CTPS2: variants seen among roughly 807,000 people sequenced by gnomAD.
CTPS2 encodes the protein CTP synthase 2, also known as CTP synthase II.
CTPS2 carries 19 observed loss-of-function variants against 46.8 expected under a neutral mutation model. The observed-to-expected ratio is 0.41, with a 90% CI of 0.28 to 0.60. CTPS2 has a LOEUF of 0.60. Ranked by LOEUF, CTPS2 falls within the 20% of genes least tolerant of loss-of-function variation. CTPS2 has a pLI of 0.35. For missense variants in CTPS2, 286 were observed against 447.6 expected, an observed-to-expected ratio of 0.64 and a Z score of 3.26; for synonymous variants, 151 against 165.2, an observed-to-expected ratio of 0.91 and a Z score of 0.66.
chrX:16,663,566 G>A (rs1230052875), intron 13 of CTPS2, among the ~76,000 whole-genome samples: 2 of 111,801 alleles, frequency 1.8e-5, no homozygotes, highest in African/African-American at 3.3e-5. Context: ...CTGAGCTCCT[G>A]TAGTTTCAGC....
At chrX:16,638,677 G>C (rs1314603362) in intron 14 of CTPS2, 4 of 210,906 alleles carry the variant, frequency 1.9e-5, no homozygotes, top group South Asian at 1.4e-4. Flanking sequence ...CCAGGGAACA[G>C]AGAAATACGC....
At chrX:16,690,717 G>A (rs1440215026) in intron 7 of CTPS2, among the ~76,000 whole-genome samples, 1 of 111,653 alleles carries the variant, frequency 9.0e-6, no homozygotes, top group Non-Finnish European at 1.9e-5. Flanking sequence ...ACAGAGATGA[G>A]AGAAGGAAAG....
chrX:16,696,400 A>G (rs1164506958), intron 4 of CTPS2, among the ~76,000 whole-genome samples: 2 of 112,150 alleles, frequency 1.8e-5, no homozygotes, highest in East Asian at 2.8e-4. Context: ...CATGAAATTT[A>G]AAATCCAGCC....
chrX:16,618,772 C>T (rs768149328), intron 15 of CTPS2, among the ~76,000 whole-genome samples: 20 of 112,166 alleles, frequency 1.8e-4, no homozygotes, highest in Non-Finnish European at 3.2e-4. Flanking sequence ...CTATTCATAT[C>T]ATTTGCAATT....
chrX:16,658,720 T>C (rs909914913), intron 13 of CTPS2, among the ~76,000 whole-genome samples: 4 of 112,494 alleles, frequency 3.6e-5, no homozygotes, highest in African/African-American at 1.3e-4. Context: ...TTTTAACAAC[T>C]GTTTTGTTCA....
At chrX:16,592,789 G>C (rs1602104143) in intron 17 of CTPS2, among the ~76,000 whole-genome samples, 1 of 112,058 alleles carries the variant, frequency 8.9e-6, no homozygotes, top group Admixed American at 9.5e-5. Context: ...AAGAGTTGGA[G>C]AAATAATTTT....
At chrX:16,648,834 T>C (rs1267232654) in intron 13 of CTPS2, among the ~76,000 whole-genome samples, 1 of 112,194 alleles carries the variant, frequency 8.9e-6, no homozygotes, top group Non-Finnish European at 1.9e-5. Context: ...CCATTTGTTC[T>C]CCAATGTAAA....
chrX:16,649,702 G>A (rs1003242729), intron 13 of CTPS2, among the ~76,000 whole-genome samples: 5 of 111,751 alleles, frequency 4.5e-5, no homozygotes, highest in Non-Finnish European at 9.4e-5. Context: ...TGTTGACCAG[G>A]CTGGTATCAA....
At chrX:16,594,911 A>G (rs1215881085) in intron 17 of CTPS2, among the ~76,000 whole-genome samples, 1 of 112,928 alleles carries the variant, frequency 8.9e-6, no homozygotes, top group Admixed American at 9.4e-5. Context: ...TCATCTGCCA[A>G]TAAAAAACAA....
Position 16,589,495 on chromosome X carries a change from G to A in CTPS2, c.*322C>T, listed in dbSNP as rs1206962378. ...GGCACAGTGACCTGGACTCTTGCTC[G>A]TCATCCTAACATCCTGATCCGCTGG... On this transcript the variant is annotated 3_prime_UTR_variant, in exon 19 of 19. Coordinates refer to ENST00000359276, the MANE Select transcript of CTPS2 (RefSeq NM_175859.3). 8.9e-6 allele frequency: 1 copy of A among 112,078 alleles called. No individual in the cohort carries two copies. Among genetic ancestry groups the A allele is most frequent in the East Asian group, 2.8e-4 (1 of 3,593 alleles). The allele number at this position is 112,078 out of a possible 1,213,427, so 9.2% of individuals were successfully genotyped here.
intron 13 of CTPS2, among the ~76,000 whole-genome samples, chrX:16,653,483 G>A (rs186889296): frequency 8.8e-4 from 99 of 111,998 alleles, no homozygotes; most frequent in South Asian, 2.2e-3. Context: ...GGTGGCACAC[G>A]CCTTTAGTCC....
chrX:16,649,345 C>T (rs73207113), intron 13 of CTPS2, among the ~76,000 whole-genome samples: 9,425 of 112,082 alleles, frequency 0.084, 387 homozygotes, highest in South Asian at 0.13. Flanking sequence ...ATCTTCTTTC[C>T]ACTTCTTAAA....
At chrX:16,623,173 T>C (rs1930930175) in intron 14 of CTPS2, among the ~76,000 whole-genome samples, 1 of 111,627 alleles carries the variant, frequency 9.0e-6, no homozygotes, top group East Asian at 2.8e-4. Context: ...GTACATGAGA[T>C]GTTTTGATAC....
intron 2 of CTPS2, among the ~76,000 whole-genome samples, chrX:16,702,536 T>C (rs1475446813): frequency 2.7e-5 from 3 of 112,040 alleles, no homozygotes; most frequent in Non-Finnish European, 5.6e-5. Flanking sequence ...AAAGATACAA[T>C]GTTTCCAAAA....
Position 16,684,509 on chromosome X carries a change from C to CAA in CTPS2, c.873-1285_873-1284dup, listed in dbSNP as rs1334791360. Among the ~76,000 whole-genome samples the CAA allele has an allele frequency of 1.4e-3, 98 of 69,971 alleles. 2 individuals carry two copies. The highest frequency in any genetic ancestry group is 3.6e-3 in the African/African-American group (71 of 19,587). 60.8% of individuals were successfully genotyped at this position (69,971 alleles called of 115,157 possible). On this transcript the variant is annotated intron_variant, in intron 8 of 18. Coordinates refer to ENST00000359276, the MANE Select transcript of CTPS2 (RefSeq NM_175859.3). ...AGGCCACAGAGCGAGACTCTGTCTCCAAAAAAAAAAAAAAAAAAACAAAAA... is the reference window on the plus strand; with the variant it reads ...AGGCCACAGAGCGAGACTCTGTCTCCAAAAAAAAAAAAAAAAAAAAACAAAAA...
chrX:16,593,392 G>C (rs1182238057), intron 17 of CTPS2, among the ~76,000 whole-genome samples: 3 of 95,505 alleles, frequency 3.1e-5, no homozygotes, highest in African/African-American at 1.2e-4. Context: ...TCGCGCCACT[G>C]CACTCCAGCC....
At chrX:16,674,410 A>G (rs748684521) in intron 10 of CTPS2, among the ~76,000 whole-genome samples, 2 of 110,783 alleles carry the variant, frequency 1.8e-5, no homozygotes, top group South Asian at 3.8e-4. Flanking sequence ...TGATCCACCC[A>G]CCTCAGCCTC....
chrX:16,708,921 C>A (rs1228556894), intron 1 of CTPS2, among the ~76,000 whole-genome samples: 1 of 110,747 alleles, frequency 9.0e-6, no homozygotes, highest in Non-Finnish European at 1.9e-5. Context: ...CCAGCCTGGC[C>A]AACATGGTGA....
chrX:16,691,855 T>C (rs1923727363), intron 6 of CTPS2, among the ~76,000 whole-genome samples: 2 of 111,995 alleles, frequency 1.8e-5, no homozygotes, highest in Admixed American at 1.9e-4. Context: ...GGCTCACAAG[T>C]GTTGCTTCAT....
Sources: allele counts gnomAD v4.1 joint callset (sites outside exome capture counted in the v4.1 genomes callset), GRCh38; gene constraint gnomAD v4.1.1; transcripts MANE v1.5; gene names NCBI Gene and HGNC (gene_info 2026-07-23, HGNC 2026-07-21).